The following GPC5 variants were observed in gnomAD, a reference collection of about 807,000 sequenced individuals.
GPC5 encodes the protein glypican-5.
In GPC5, 47 loss-of-function variants were observed where a neutral mutation model predicts 53.9. That is an observed-to-expected ratio of 0.87 (90% CI 0.69 to 1.11). The LOEUF (loss-of-function observed/expected upper bound fraction) is 1.11. GPC5 is among the 50% of genes most tolerant of loss of function. The pLI is 0.00. For synonymous variants in GPC5, 286 were observed against 263.3 expected, an observed-to-expected ratio of 1.09 and a Z score of -0.84; for missense variants, 748 against 713.1, an observed-to-expected ratio of 1.05 and a Z score of -0.56.
intron 7 of GPC5, among the ~76,000 whole-genome samples, chr13:92,723,997 A>G (rs1888571436): frequency 6.6e-6 from 1 of 151,600 alleles, no homozygotes; most frequent in Non-Finnish European, 1.5e-5. Flanking sequence ...AAGAAAATAT[A>G]AGTTTAAAAA....
chr13:91,933,611 A>G (rs752142949), intron 6 of GPC5, among the ~76,000 whole-genome samples: 4 of 151,960 alleles, frequency 2.6e-5, no homozygotes, highest in South Asian at 2.1e-4. Context: ...CCACACGTCC[A>G]AGTTTTCTCA....
chr13:92,505,264 C>T (rs901207252), intron 7 of GPC5, among the ~76,000 whole-genome samples: 3 of 151,844 alleles, frequency 2.0e-5, no homozygotes, highest in African/African-American at 7.3e-5. Context: ...AAAGAAATCT[C>T]AAAATGTAGC....
At chr13:91,442,150 T>C (rs757354058) in intron 1 of GPC5, among the ~76,000 whole-genome samples, 2 of 152,212 alleles carry the variant, frequency 1.3e-5, no homozygotes, top group Non-Finnish European at 2.9e-5. Context: ...AATAAGTTAT[T>C]ATAATTTGAA....
At chr13:91,587,416 G>T (rs1244628423) in intron 2 of GPC5, among the ~76,000 whole-genome samples, 3 of 151,990 alleles carry the variant, frequency 2.0e-5, no homozygotes, top group African/African-American at 7.3e-5. Flanking sequence ...TATTTGTATT[G>T]TTGTCCTCAT....
chr13:92,848,626 T>C (rs190422412), intron 7 of GPC5, among the ~76,000 whole-genome samples: 1 of 152,228 alleles, frequency 6.6e-6, no homozygotes, highest in Non-Finnish European at 1.5e-5. Flanking sequence ...TAGACATATA[T>C]GACTCTCTGT....
intron 1 of GPC5, among the ~76,000 whole-genome samples, chr13:91,423,917 T>G (rs1315463020): frequency 2.0e-5 from 3 of 152,224 alleles, no homozygotes; most frequent in Non-Finnish European, 4.4e-5. Flanking sequence ...CAATTTATTT[T>G]TTAAACTTAA....
intron 7 of GPC5, among the ~76,000 whole-genome samples, chr13:92,487,914 A>G (rs2139442475): frequency 6.6e-6 from 1 of 152,026 alleles, no homozygotes; most frequent in South Asian, 2.1e-4. Context: ...TTTGATGAGA[A>G]GAGGTAAGGA....
chr13:91,858,463 G>A (rs534377994), intron 5 of GPC5, among the ~76,000 whole-genome samples: 9 of 151,896 alleles, frequency 5.9e-5, no homozygotes, highest in South Asian at 2.1e-4. Flanking sequence ...ATGATGCATC[G>A]CATTAATTGA....
intron 2 of GPC5, among the ~76,000 whole-genome samples, chr13:91,673,260 T>G (rs1181403430): frequency 6.6e-6 from 1 of 151,894 alleles, no homozygotes; most frequent in Non-Finnish European, 1.5e-5. Flanking sequence ...ACCATCACAC[T>G]AAGCAAAAAG....
intron 7 of GPC5, among the ~76,000 whole-genome samples, chr13:92,600,738 C>A (rs1026240108): frequency 6.6e-6 from 1 of 151,448 alleles, no homozygotes; most frequent in African/African-American, 2.4e-5. Context: ...AACTCCTGAC[C>A]TCAGGTGATG....
chr13:92,473,794 T>C (rs1202065011), intron 7 of GPC5, among the ~76,000 whole-genome samples: 1 of 152,114 alleles, frequency 6.6e-6, no homozygotes, highest in Non-Finnish European at 1.5e-5. Flanking sequence ...AAGTATATGC[T>C]CATTAAGGAA....
At chr13:91,671,578 G>A (rs1020171411) in intron 2 of GPC5, among the ~76,000 whole-genome samples, 7 of 151,756 alleles carry the variant, frequency 4.6e-5, no homozygotes, top group Non-Finnish European at 1.0e-4. Flanking sequence ...GAAATAAGAG[G>A]ACACAAACAA....
intron 7 of GPC5, among the ~76,000 whole-genome samples, chr13:92,755,450 G>C (rs942421547): frequency 1.3e-5 from 2 of 151,402 alleles, no homozygotes; most frequent in African/African-American, 4.9e-5. Context: ...ACATTCAAAA[G>C]CTAGCAGAAG....
intron 7 of GPC5, among the ~76,000 whole-genome samples, chr13:92,651,264 T>A (rs1239507695): frequency 6.6e-6 from 1 of 152,096 alleles, no homozygotes; most frequent in East Asian, 1.9e-4. Flanking sequence ...AGAGTTACTT[T>A]GTAGTGGAGA....
chr13:91,600,323 GA>G (rs1302817611), intron 2 of GPC5, among the ~76,000 whole-genome samples: 2 of 8,588 alleles, frequency 2.3e-4, no homozygotes, highest in African/African-American at 2.8e-4. Context: ...GAGAGAGAGA[GA>G]GAGAGAGAGA....
chr13:92,788,263 A>G (rs775093641), intron 7 of GPC5, among the ~76,000 whole-genome samples: 1 of 152,180 alleles, frequency 6.6e-6, no homozygotes, highest in Non-Finnish European at 1.5e-5. Flanking sequence ...AAAAAGATCA[A>G]CAAGGATAAA....
intron 7 of GPC5, among the ~76,000 whole-genome samples, chr13:92,717,773 G>C (rs1188273908): frequency 6.6e-6 from 1 of 152,028 alleles, no homozygotes; most frequent in Non-Finnish European, 1.5e-5. Flanking sequence ...AGGTAATTTG[G>C]AGACATCATA....
In GPC5 at chr13:92,196,128, A is replaced by T. The variant is rs116046056; in HGVS notation, c.1561+51139A>T. ...CTTCAAAATTTACATTTCTATGTGT[A>T]ATATTTATTGGGAAAAAAGATGTAT... On this transcript the variant is annotated intron_variant, in intron 7 of 7. Coordinates refer to ENST00000377067, the MANE Select transcript of GPC5 (RefSeq NM_004466.6). 8.1e-3 allele frequency among the ~76,000 whole-genome samples: 1,169 copies of T among 144,368 alleles called. 22 individuals are homozygous for T. The highest frequency in any genetic ancestry group is 0.027 in the African/African-American group (1,093 of 41,202). 94.7% of individuals were successfully genotyped at this position (144,368 alleles called of 152,430 possible). A position where few individuals can be genotyped will look rare whatever the true frequency, so the allele number is the denominator to read the frequency against.
Position 92,451,171 on chromosome 13 carries a change from T to G in GPC5, c.1561+306182T>G, listed in dbSNP as rs144101976. On this transcript the variant is annotated intron_variant, in intron 7 of 7. Transcript: ENST00000377067. Reference sequence around the variant, plus strand: ...TACGTAGCTGTTCTTTTTCAGGTCCTACCAGAAAAAAAATAAACAGCAGCT... The same window carrying G: ...TACGTAGCTGTTCTTTTTCAGGTCCGACCAGAAAAAAAATAAACAGCAGCT... 2.2e-4 allele frequency among the ~76,000 whole-genome samples: 33 copies of G among 152,280 alleles called. No individual in the cohort carries two copies. In the East Asian group the frequency reaches 6.2e-3, roughly 29 times the overall value.
Sources: gnomAD v4.1 joint callset for allele counts (sites outside exome capture counted in the v4.1 genomes callset) on GRCh38, gnomAD v4.1.1 for gene constraint, MANE v1.5 for transcripts, NCBI Gene and HGNC (gene_info 2026-07-23, HGNC 2026-07-21) for gene names.